NDST1: variants seen among roughly 807,000 people sequenced by gnomAD.
NDST1 encodes the protein N-deacetylase and N-sulfotransferase 1, also known as bifunctional heparan sulfate N-deacetylase/N-sulfotransferase 1.
Under a neutral mutation model 92.8 loss-of-function variants are expected in NDST1, and 35 were observed. The observed-to-expected ratio is 0.38, with a 90% confidence interval of 0.29 to 0.50. The LOEUF is 0.50. Among genes scored for constraint, NDST1 ranks in the 20% least tolerant of loss-of-function variants. The probability of loss-of-function intolerance (pLI) is 0.94; values close to 1 mark genes in which losing one functional copy is unlikely to be tolerated. For missense variants in NDST1, 822 were observed against 1,182.7 expected, an observed-to-expected ratio of 0.69 and a Z score of 4.47; for synonymous variants, 493 against 500.3, an observed-to-expected ratio of 0.99 and a Z score of 0.19.
intron 3 of NDST1, among the ~76,000 whole-genome samples, chr5:150,532,599 C>T (rs1435849545): frequency 6.6e-6 from 1 of 152,140 alleles, no homozygotes; most frequent in Admixed American, 6.5e-5. Flanking sequence ...GCGATCTCGG[C>T]TCACTGCACC....
chr5:150,518,168 G>C (rs1302720976), intron 1 of NDST1, among the ~76,000 whole-genome samples: 1 of 151,600 alleles, frequency 6.6e-6, no homozygotes, highest in Non-Finnish European at 1.5e-5. Context: ...CATTTCCTCT[G>C]TCTACCCCTG....
chr5:150,552,954 C>A (rs1198358507), intron 14 of NDST1, among the ~76,000 whole-genome samples: 1 of 152,114 alleles, frequency 6.6e-6, no homozygotes, highest in Non-Finnish European at 1.5e-5. Context: ...TCAAAAGATT[C>A]TCTTGCCTCA....
intron 2 of NDST1, among the ~76,000 whole-genome samples, chr5:150,522,843 AG>A (rs1754303420): frequency 6.6e-6 from 1 of 152,240 alleles, no homozygotes; most frequent in Non-Finnish European, 1.5e-5. Context: ...GAAATAAATG[AG>A]GGGAGGAGCC....
Position 150,521,434 on chromosome 5 carries a change from G to T in NDST1, c.180G>T (p.Pro60=). 1 of 1,613,042 alleles carries T rather than the reference G, an allele frequency of 6.2e-7. No individual in the cohort carries two copies. The highest frequency in any genetic ancestry group is 8.5e-7 in the Non-Finnish European group (1 of 1,179,858). The change falls in exon 2 of 15, where the codon CCG becomes CCT. Residue 60 remains proline (P), a synonymous_variant. Coordinates refer to ENST00000261797, the MANE Select transcript of NDST1 (RefSeq NM_001543.5). The surrounding 1 kb of genome is among the most constrained non-coding windows in gnomAD (Gnocchi z 5.9). ...CCGAGCCTGACTGCGGGGACCCGCC[G>T]CCTGTGGCCCCCAGTCGCCTGCTGC... is the stretch of plus-strand genomic sequence containing the variant. The part of the protein sequence containing the change: ...DAPEPDCGDP[P]PVAPSRLLPL...
At position 150,549,755 on chromosome 5, in the gene NDST1, G is replaced by C. The variant is rs773106073; in HGVS notation, c.2394G>C (p.Val798=). 2 of 1,613,442 alleles carry C rather than the reference G, an allele frequency of 1.2e-6. No individual in the cohort carries two copies. Among genetic ancestry groups the C allele is most frequent in the Non-Finnish European group, 1.7e-6 (2 of 1,179,360 alleles). Residue 798 remains valine, a synonymous_variant, in exon 13 of 15, where the codon GTG becomes GTC. Coordinates refer to ENST00000261797, the MANE Select transcript of NDST1 (RefSeq NM_001543.5). ...ACATGGTGCAGAAGTTCCTTGGGGT[G>C]ACCAACACCATTGACTACCACAAAA... ...VMDMVQKFLG[V]TNTIDYHKTL... is the part of the protein sequence containing the mutation.
At chr5:150,529,114 G>A (rs991921627) in intron 3 of NDST1, among the ~76,000 whole-genome samples, 2 of 151,822 alleles carry the variant, frequency 1.3e-5, no homozygotes, top group African/African-American at 4.8e-5. Context: ...TTTGCTGGCC[G>A]GGTGTGGTGG....
intron 4 of NDST1, among the ~76,000 whole-genome samples, chr5:150,533,808 C>A (rs892038084): frequency 1.3e-5 from 2 of 151,908 alleles, no homozygotes; most frequent in Non-Finnish European, 2.9e-5. Context: ...TTTGGCTGGG[C>A]GCTGTGGCTC....
chr5:150,524,038 G>T (rs2151273664), intron 2 of NDST1, among the ~76,000 whole-genome samples: 1 of 152,320 alleles, frequency 6.6e-6, no homozygotes, highest in Middle Eastern at 3.4e-3. Flanking sequence ...GGGCTCCAGG[G>T]ATCTGAAAAC....
chr5:150,546,811 T>TA lies in NDST1; in HGVS notation c.2145+1326dup, dbSNP rs1390637010. On this transcript the variant is annotated intron_variant, in intron 11 of 14. Transcript: ENST00000261797. ...TGAGGCTGGTGAGGAAGCCCCTTCTTACTCTTGTTCTCTAGGGCTTCTGTT... is the reference window on the plus strand; with the variant it reads ...TGAGGCTGGTGAGGAAGCCCCTTCTTAACTCTTGTTCTCTAGGGCTTCTGTT... Among the ~76,000 whole-genome samples the TA allele has an allele frequency of 7.9e-5, 12 of 152,378 alleles. No individual in the cohort carries two copies. The East Asian group carries it at 2.3e-3, about 29-fold the overall frequency.
intron 4 of NDST1, among the ~76,000 whole-genome samples, chr5:150,533,600 A>G (rs1265813985): frequency 6.6e-6 from 1 of 152,134 alleles, no homozygotes; most frequent in Non-Finnish European, 1.5e-5. Flanking sequence ...TCAGCTGGTC[A>G]TCTGCAGTGA....
chr5:150,538,630 G>A (rs1376772020), intron 6 of NDST1, among the ~76,000 whole-genome samples: 6 of 152,192 alleles, frequency 3.9e-5, no homozygotes, highest in African/African-American at 1.2e-4. Context: ...GTTGAGCTGG[G>A]GCAGCAGTGG....
At chr5:150,540,374 TCG>T in intron 8 of NDST1, 110 bp downstream of exon 8, 1 of 1,200,096 alleles carries the variant, frequency 8.3e-7, no homozygotes, top group South Asian at 1.5e-5. Context: ...CTTCACACTC[TCG>T]CTCGAATGTA....
intron 2 of NDST1, among the ~76,000 whole-genome samples, chr5:150,523,564 A>G (rs1301230232): frequency 6.6e-6 from 1 of 152,218 alleles, no homozygotes; most frequent in African/African-American, 2.4e-5. Flanking sequence ...ATTTGAACTC[A>G]AGCAGTCCGG....
rs988680148 is a variant in NDST1, at chr5:150,555,989, G to A, written c.*2657G>A. On this transcript the variant is annotated 3_prime_UTR_variant, in exon 15 of 15. Coordinates refer to ENST00000261797, the MANE Select transcript of NDST1 (RefSeq NM_001543.5). Reference sequence around the variant, plus strand: ...ACCCACTAGGTCCAGACACTGCCGGGACTTGCAGGTATGGGGGGTAGAAGG... The same window carrying A: ...ACCCACTAGGTCCAGACACTGCCGGAACTTGCAGGTATGGGGGGTAGAAGG... The A allele has an allele frequency of 5.2e-5, 8 of 152,412 alleles. No homozygotes were observed. Among genetic ancestry groups the A allele is most frequent in the African/African-American group, 1.7e-4 (7 of 41,448 alleles). The allele number at this position is 152,412 out of a possible 1,614,324, so 9.4% of individuals were successfully genotyped here.
At chr5:150,537,346 A>T (rs1249454341) in intron 6 of NDST1, among the ~76,000 whole-genome samples, 1 of 152,240 alleles carries the variant, frequency 6.6e-6, no homozygotes, top group Non-Finnish European at 1.5e-5. Flanking sequence ...TTTCAAAAGC[A>T]AATAGGAGAA....
At chr5:150,551,712 G>C in intron 13 of NDST1, 41 bp from the exon 14 acceptor site, 1 of 1,606,280 alleles carries the variant, frequency 6.2e-7, no homozygotes, top group Non-Finnish European at 8.5e-7. Flanking sequence ...GAAGTGGGTG[G>C]CTGAGCCAGC....
At chr5:150,541,524 A>G in intron 8 of NDST1, 46 bp from the exon 9 acceptor site, 1 of 1,557,660 alleles carries the variant, frequency 6.4e-7, no homozygotes, top group South Asian at 1.1e-5. Flanking sequence ...GAGTCCACTG[A>G]CTGGGTTCTG....
At chr5:150,545,553 A>G (rs1755440840) in intron 11 of NDST1, 67 bp downstream of exon 11, 1 of 1,576,896 alleles carries the variant, frequency 6.3e-7, no homozygotes, top group African/African-American at 1.3e-5. Context: ...TCAGTTACTC[A>G]CTCACTCAAC....
At chr5:150,536,120 T>A (rs1452535776) in intron 6 of NDST1, among the ~76,000 whole-genome samples, 1 of 152,202 alleles carries the variant, frequency 6.6e-6, no homozygotes, top group East Asian at 1.9e-4. Context: ...CAAGCAATAA[T>A]CAGCATTCTT....
Sources: allele counts gnomAD v4.1 joint callset (sites outside exome capture counted in the v4.1 genomes callset), GRCh38; gene constraint gnomAD v4.1.1; non-coding constraint Gnocchi (gnomAD v3.1); transcripts MANE v1.5; gene names NCBI Gene and HGNC (gene_info 2026-07-23, HGNC 2026-07-21).